The following PCDH11X variants were observed in gnomAD, a reference collection of about 807,000 sequenced individuals.
PCDH11X encodes protocadherin 11 X-linked, also known as protocadherin-11 X-linked.
A neutral mutation model predicts 53.3 loss-of-function variants in PCDH11X; 18 were observed. The ratio of observed to expected loss-of-function variants is 0.34; its 90% CI spans 0.23 to 0.50. PCDH11X has a LOEUF of 0.50. Ranked by LOEUF, PCDH11X falls within the 20% of genes least tolerant of loss-of-function variation. The pLI, the probability that PCDH11X is intolerant of heterozygous loss-of-function variation, is 0.98. For synonymous variants in PCDH11X, 279 were observed against 393.3 expected (o/e 0.71, Z 3.44); for missense variants, 570 against 1,032.4 (o/e 0.55, Z 6.14).
intron 9 of PCDH11X, chrX:92,460,521 A>G (rs1180472980): frequency 1.4e-6 from 1 of 709,196 alleles, no homozygotes; most frequent in African/African-American, 2.0e-5. Context: ...CAGTCCGCCG[A>G]GGTTGGAGCT....
chrX:92,059,606 C>T (rs778240547), intron 6 of PCDH11X, among the ~76,000 whole-genome samples: 1 of 111,128 alleles, frequency 9.0e-6, no homozygotes, highest in East Asian at 2.8e-4. Context: ...ATTCCAGCAA[C>T]TAAATCTCCT....
chrX:92,489,593 C>T (rs960690381), intron 10 of PCDH11X, among the ~76,000 whole-genome samples: 32 of 108,413 alleles, frequency 3.0e-4, no homozygotes, highest in African/African-American at 1.0e-3. Context: ...CCTTCAGATC[C>T]ACATGCAGCT....
At chrX:92,574,832 G>T (rs1373063869) in intron 10 of PCDH11X, among the ~76,000 whole-genome samples, 2 of 110,714 alleles carry the variant, frequency 1.8e-5, no homozygotes, top group African/African-American at 6.6e-5. Context: ...TAGATGTTCT[G>T]CATTTGAAGA....
chrX:92,033,326 A>G (rs1249865210), intron 6 of PCDH11X, among the ~76,000 whole-genome samples: 4 of 104,820 alleles, frequency 3.8e-5, no homozygotes, highest in Non-Finnish European at 5.8e-5. Flanking sequence ...TAGTTCTTCT[A>G]TAAATGTTTG....
chrX:92,365,263 T>G (rs1267914246), intron 8 of PCDH11X, among the ~76,000 whole-genome samples: 1 of 99,215 alleles, frequency 1.0e-5, no homozygotes, highest in South Asian at 4.5e-4. Flanking sequence ...AAAATAACAA[T>G]TAAAGGTATA....
At chrX:91,999,920 G>C (rs1028485135) in intron 6 of PCDH11X, among the ~76,000 whole-genome samples, 3 of 111,522 alleles carry the variant, frequency 2.7e-5, no homozygotes, top group Non-Finnish European at 5.6e-5. Flanking sequence ...CCTTAAAATA[G>C]GAGTCTAATT....
intron 6 of PCDH11X, among the ~76,000 whole-genome samples, chrX:91,975,212 A>G (rs1369727362): frequency 9.0e-6 from 1 of 111,581 alleles, no homozygotes; most frequent in African/African-American, 3.3e-5. Flanking sequence ...CAGTTTCTAT[A>G]TTTATTAGGA....
chrX:92,031,280 T>C (rs905083068), intron 6 of PCDH11X, among the ~76,000 whole-genome samples: 5 of 109,863 alleles, frequency 4.6e-5, no homozygotes, highest in Non-Finnish European at 9.4e-5. Flanking sequence ...ATATTTCTGG[T>C]TTTTAGAAAT....
At chrX:92,090,375 G>T (rs962349436) in intron 6 of PCDH11X, among the ~76,000 whole-genome samples, 55 of 109,907 alleles carry the variant, frequency 5.0e-4, no homozygotes, top group Non-Finnish European at 7.8e-4. Flanking sequence ...GTAAAAGTGG[G>T]TTCCAAAAGA....
intron 10 of PCDH11X, among the ~76,000 whole-genome samples, chrX:92,525,914 C>T (rs1021277608): frequency 7.2e-5 from 8 of 111,016 alleles, no homozygotes; most frequent in Non-Finnish European, 1.1e-4. Flanking sequence ...AGATTAAACA[C>T]GGAGTGCTAC....
rs1348713480 is a variant in PCDH11X at position 92,171,994 on chromosome X, T to C, written c.3034-29381T>C. 2.8e-4 allele frequency among the ~76,000 whole-genome samples: 31 copies of C among 108,849 alleles called. 1 individual carries two copies. The Admixed American group carries it at 3.1e-3, about 11-fold the overall frequency. 94.5% of individuals were successfully genotyped at this position (108,849 alleles called of 115,157 possible). A position where few individuals can be genotyped will look rare whatever the true frequency, so the allele number is the denominator to read the frequency against. Reference sequence around the variant, plus strand: ...TTATATGCTATTGTAAGTAGAATTGTATTCTTAAATTTTATTTTTGGATTA... The same window carrying C: ...TTATATGCTATTGTAAGTAGAATTGCATTCTTAAATTTTATTTTTGGATTA... On this transcript the variant is annotated intron_variant, in intron 6 of 10. Coordinates refer to ENST00000682573, the MANE Select transcript of PCDH11X (RefSeq NM_032968.5).
chrX:92,388,081 G>T, intron 9 of PCDH11X, 148 bp downstream of exon 9: 1 of 688,627 alleles, frequency 1.5e-6, no homozygotes, highest in Non-Finnish European at 2.2e-6. Flanking sequence ...GAATTAGATG[G>T]ATGGCAAGTA....
intron 8 of PCDH11X, among the ~76,000 whole-genome samples, chrX:92,383,999 C>A (rs199499344): frequency 8.9e-6 from 1 of 111,973 alleles, no homozygotes; most frequent in Non-Finnish European, 1.9e-5. Context: ...TGTTTCCTGA[C>A]ATTTTAATGA....
At chrX:92,340,397 TCTA>T (rs2069726845) in intron 8 of PCDH11X, among the ~76,000 whole-genome samples, 1 of 111,979 alleles carries the variant, frequency 8.9e-6, no homozygotes, top group Non-Finnish European at 1.9e-5. Context: ...TCTGCACTGT[TCTA>T]CTAGAGTTTC....
intron 7 of PCDH11X, among the ~76,000 whole-genome samples, chrX:92,255,404 G>C (rs950630894): frequency 3.9e-5 from 4 of 103,224 alleles, no homozygotes; most frequent in Non-Finnish European, 6.0e-5. Context: ...CCGTAGCTCA[G>C]AGTAATTTGA....
At chrX:92,155,617 CTTTTT>C (rs775178966) in intron 6 of PCDH11X, among the ~76,000 whole-genome samples, 31 of 79,762 alleles carry the variant, frequency 3.9e-4, no homozygotes, top group African/African-American at 1.4e-3. Flanking sequence ...ACTTCAATAG[CTTTTT>C]TTTTTTTTTT....
At chrX:91,795,395 C>G (rs1935699365) in intron 1 of PCDH11X, among the ~76,000 whole-genome samples, 1 of 110,317 alleles carries the variant, frequency 9.1e-6, no homozygotes, top group African/African-American at 3.3e-5. Context: ...TCTTTCACCA[C>G]AGTAAAAGGG....
At chrX:92,270,879 CT>C (rs1296397186) in intron 8 of PCDH11X, among the ~76,000 whole-genome samples, 1 of 111,611 alleles carries the variant, frequency 9.0e-6, no homozygotes, top group Non-Finnish European at 1.9e-5. Flanking sequence ...TAATTTTTTC[CT>C]TTTGGCATAG....
chrX:92,006,747 C>G (rs2062606431), intron 6 of PCDH11X, among the ~76,000 whole-genome samples: 1 of 110,518 alleles, frequency 9.0e-6, no homozygotes, highest in Non-Finnish European at 1.9e-5. Flanking sequence ...AGCCACTCTT[C>G]TTTGGAAGGC....
Sources: gnomAD v4.1 joint callset for allele counts (sites outside exome capture counted in the v4.1 genomes callset) on GRCh38, gnomAD v4.1.1 for gene constraint, MANE v1.5 for transcripts, NCBI Gene and HGNC (gene_info 2026-07-23, HGNC 2026-07-21) for gene names.